Variants in GALNTL6 observed in about 807,000 individuals in gnomAD.
GALNTL6 encodes the protein polypeptide N-acetylgalactosaminyltransferase-like 6.
GALNTL6 carries 46 observed loss-of-function variants against 73.7 expected under a neutral mutation model. That is an observed-to-expected ratio of 0.62 (90% confidence interval 0.49 to 0.80). The LOEUF (loss-of-function observed/expected upper bound fraction) is 0.80. Among genes scored for constraint, GALNTL6 ranks in the 30% least tolerant of loss-of-function variants. The pLI is 0.00. For synonymous variants in GALNTL6, 259 were observed against 263.7 expected, an observed-to-expected ratio of 0.98 and a Z score of 0.17; for missense variants, 604 against 755.0, an observed-to-expected ratio of 0.80 and a Z score of 2.34.
At chr4:172,528,952 C>CATATATATATATATATATACATAT (rs765904258) in intron 5 of GALNTL6, among the ~76,000 whole-genome samples, 1 of 23,316 alleles carries the variant, frequency 4.3e-5, no homozygotes, top group Non-Finnish European at 1.4e-4. Flanking sequence ...TTCCCAAAGG[C>CATATATATATATATATATACATAT]ATATATATAT....
At chr4:172,211,403 G>C in intron 2 of GALNTL6, among the ~76,000 whole-genome samples, 1 of 152,106 alleles carries the variant, frequency 6.6e-6, no homozygotes, top group East Asian at 1.9e-4. Context: ...AGTTAAACAT[G>C]AGTTCATACT....
chr4:172,109,013 CAAAAA>C (rs202017302), intron 2 of GALNTL6, among the ~76,000 whole-genome samples: 1 of 108,294 alleles, frequency 9.2e-6, no homozygotes, highest in Non-Finnish European at 1.9e-5. Flanking sequence ...ACTCCATCTC[CAAAAA>C]AAAAAAAAAA....
chr4:172,498,533 A>G (rs992147504), intron 5 of GALNTL6, among the ~76,000 whole-genome samples: 6 of 152,204 alleles, frequency 3.9e-5, no homozygotes, highest in African/African-American at 1.2e-4. Flanking sequence ...AAAGAGAAAT[A>G]TATCCATTTG....
At chr4:172,488,364 G>A (rs940774231) in intron 5 of GALNTL6, among the ~76,000 whole-genome samples, 1 of 152,220 alleles carries the variant, frequency 6.6e-6, no homozygotes, top group African/African-American at 2.4e-5. Flanking sequence ...GTGATGGCCA[G>A]GGCCTCACCT....
chr4:171,904,053 G>A (rs918137926), intron 2 of GALNTL6, among the ~76,000 whole-genome samples: 16 of 152,128 alleles, frequency 1.1e-4, no homozygotes, highest in African/African-American at 1.9e-4. Flanking sequence ...AAAAAACAGA[G>A]CAGAAAAACT....
chr4:172,998,383 CAG>C (rs1211829619), intron 10 of GALNTL6, among the ~76,000 whole-genome samples: 1 of 152,158 alleles, frequency 6.6e-6, no homozygotes, highest in Admixed American at 6.5e-5. Flanking sequence ...ATTTTTTTAT[CAG>C]AGTCTCAAAT....
At chr4:171,953,705 T>G (rs1004212498) in intron 2 of GALNTL6, among the ~76,000 whole-genome samples, 1 of 152,034 alleles carries the variant, frequency 6.6e-6, no homozygotes, top group Non-Finnish European at 1.5e-5. Context: ...GCAACATACA[T>G]GGAGGACAAA....
At chr4:172,561,657 C>T (rs1736372823) in intron 5 of GALNTL6, among the ~76,000 whole-genome samples, 1 of 152,276 alleles carries the variant, frequency 6.6e-6, no homozygotes, top group South Asian at 2.1e-4. Flanking sequence ...ACTGTTTCCT[C>T]CGTCAATATG....
At chr4:172,918,016 T>C (rs6857332) in intron 8 of GALNTL6, among the ~76,000 whole-genome samples, 4,272 of 152,204 alleles carry the variant, frequency 0.028, 214 homozygotes, top group African/African-American at 0.097. Flanking sequence ...CCATCAATGA[T>C]AGACTGGATA....
chr4:172,975,711 C>A (rs1214828449), intron 10 of GALNTL6, among the ~76,000 whole-genome samples: 1 of 152,166 alleles, frequency 6.6e-6, no homozygotes, highest in African/African-American at 2.4e-5. Flanking sequence ...TTGCCTCAGC[C>A]CCCCTTCCAT....
At chr4:172,867,001 G>A (rs1267637222) in intron 7 of GALNTL6, among the ~76,000 whole-genome samples, 4 of 152,146 alleles carry the variant, frequency 2.6e-5, no homozygotes, top group Admixed American at 1.3e-4. Context: ...AAATAGACAG[G>A]TGTGTCTCCA....
At chr4:172,007,939 A>C (rs1740886946) in intron 2 of GALNTL6, among the ~76,000 whole-genome samples, 1 of 151,876 alleles carries the variant, frequency 6.6e-6, no homozygotes, top group Non-Finnish European at 1.5e-5. Context: ...AGTGCTTTGG[A>C]CTGCTGCCAT....
chr4:172,669,848 TTTG>T (rs1020041643), intron 5 of GALNTL6, among the ~76,000 whole-genome samples: 42 of 152,286 alleles, frequency 2.8e-4, no homozygotes, highest in African/African-American at 9.9e-4. Context: ...AGACCCAGTG[TTTG>T]TTGTTCTCCT....
intron 2 of GALNTL6, among the ~76,000 whole-genome samples, chr4:171,883,500 GTAAT>G (rs1374665276): frequency 6.6e-6 from 1 of 152,152 alleles, no homozygotes; most frequent in Non-Finnish European, 1.5e-5. Context: ...TGATAAGAGA[GTAAT>G]TGAAGTTAAG....
At chr4:172,686,770 C>T (rs1285950977) in intron 5 of GALNTL6, among the ~76,000 whole-genome samples, 1 of 152,084 alleles carries the variant, frequency 6.6e-6, no homozygotes, top group Non-Finnish European at 1.5e-5. Flanking sequence ...TCAAAGGATT[C>T]AATCATGTAT....
At chr4:172,899,722 G>T (rs969934148) in intron 8 of GALNTL6, among the ~76,000 whole-genome samples, 3 of 152,166 alleles carry the variant, frequency 2.0e-5, no homozygotes, top group African/African-American at 7.2e-5. Flanking sequence ...ATAAAAGAAT[G>T]GCTACTCCAT....
chr4:171,964,749 A>C (rs1398534597), intron 2 of GALNTL6, among the ~76,000 whole-genome samples: 1 of 152,160 alleles, frequency 6.6e-6, no homozygotes. Flanking sequence ...GGGCTGAAGG[A>C]CTTGTTTTTC....
intron 2 of GALNTL6, among the ~76,000 whole-genome samples, chr4:172,028,487 T>G (rs907046844): frequency 1.3e-5 from 2 of 152,050 alleles, no homozygotes; most frequent in Admixed American, 6.6e-5. Context: ...TTTGGCCAAA[T>G]GTAAGATAGG....
intron 2 of GALNTL6, among the ~76,000 whole-genome samples, chr4:171,935,515 C>G (rs376954222): frequency 4.6e-5 from 7 of 152,120 alleles, no homozygotes. Flanking sequence ...GTTGCCCAGG[C>G]TGGAGTGCAG....
Sources: allele counts gnomAD v4.1 joint callset (sites outside exome capture counted in the v4.1 genomes callset), GRCh38; gene constraint gnomAD v4.1.1; transcripts MANE v1.5; gene names NCBI Gene and HGNC (gene_info 2026-07-23, HGNC 2026-07-21).